Variants in GAMT observed in about 807,000 individuals in gnomAD.
GAMT encodes the protein guanidinoacetate N-methyltransferase.
A neutral mutation model predicts 26.9 loss-of-function variants in GAMT; 26 were observed. That is an observed-to-expected ratio of 0.97 (90% CI 0.71 to 1.34). GAMT has a LOEUF of 1.34. Ranked by LOEUF, GAMT falls within the 40% of genes most tolerant of loss-of-function variation. The pLI, the probability that GAMT is intolerant of heterozygous loss-of-function variation, is 0.00. For missense variants in GAMT, 412 were observed against 345.0 expected (o/e 1.19, Z -1.54); for synonymous variants, 169 against 149.6 (o/e 1.13, Z -0.95).
chr19:1,398,390 G>A (rs773886911), intron 5 of GAMT: 8 of 298,572 alleles, frequency 2.7e-5, no homozygotes, highest in South Asian at 1.8e-4. Context: ...GAGCCACCAC[G>A]CCCAGCCTGA....
chr19:1,398,807 G>A, intron 5 of GAMT, 109 bp downstream of exon 5: 2 of 1,560,572 alleles, frequency 1.3e-6, no homozygotes, highest in African/African-American at 1.4e-5. Context: ...CCCACCCAGG[G>A]GGTCAGGAAG....
In GAMT at chr19:1,399,047, G is replaced by A. The variant is rs1253445142; in HGVS notation, c.460-21C>T. 1 of 1,613,384 alleles carries A rather than the reference G, an allele frequency of 6.2e-7. No homozygotes were observed. The highest frequency in any genetic ancestry group is 8.5e-7 in the Non-Finnish European group (1 of 1,180,000). On this transcript the variant is annotated intron_variant, in intron 4 of 5. Coordinates refer to ENST00000252288, the MANE Select transcript of GAMT (RefSeq NM_000156.6). The surrounding 1 kb of genome is among the most constrained non-coding windows in gnomAD (Gnocchi z 6.2). ...TGGTTCTGTGGAAGGGGAGTGGCCA[G>A]TGGTCAGGACGGAGGTGGGGGTGTG...
At chr19:1,400,371 C>T (rs2082627063) in intron 1 of GAMT, among the ~76,000 whole-genome samples, 1 of 152,134 alleles carries the variant, frequency 6.6e-6, no homozygotes, top group African/African-American at 2.4e-5. Context: ...CGGGAGGGCA[C>T]CCTGGGCCAG....
rs1569003101 is a variant in GAMT at position 1,397,425 on chromosome 19, G to A, written c.645C>T (p.Val215=). 1 of 1,611,492 alleles carries A rather than the reference G, an allele frequency of 6.2e-7. No individual in the cohort carries two copies. Among genetic ancestry groups the A allele is most frequent in the African/African-American group, 1.3e-5 (1 of 75,034 alleles). Residue 215 remains valine, a synonymous_variant, in exon 6 of 6, where the codon GTC becomes GTT. Coordinates refer to ENST00000252288, the MANE Select transcript of GAMT (RefSeq NM_000156.6). ...ENIRTEVMAL[V]PPADCRYYAF... ...CGTAGTAGCGGCAGTCGGCCGGTGGGACCAGCGCCATCACCTCCGTACGGA... is the reference window on the plus strand; with the variant it reads ...CGTAGTAGCGGCAGTCGGCCGGTGGAACCAGCGCCATCACCTCCGTACGGA...
intron 1 of GAMT, among the ~76,000 whole-genome samples, chr19:1,400,658 G>A (rs932800460): frequency 2.6e-5 from 4 of 152,198 alleles, no homozygotes; most frequent in East Asian, 1.9e-4. Flanking sequence ...GAGACTATCT[G>A]GGAGGGGAAG....
intron 5 of GAMT, 40 bp downstream of exon 5, chr19:1,398,876 C>G (rs1294897839): frequency 1.9e-6 from 3 of 1,610,998 alleles, no homozygotes; most frequent in Non-Finnish European, 2.5e-6. Context: ...CATCCAAGGT[C>G]ACTTCCTGGA....
At position 1,397,212 on chromosome 19, in the gene GAMT, C is replaced by T. The variant is rs2082604706; in HGVS notation, c.*147G>A. The stretch of plus-strand genomic sequence containing the variant: ...TGGTGACACACAGCTGGGATCAGCC[C>T]TGGGCTGGTGGGACCCCTCACAGAG... On this transcript the variant is annotated 3_prime_UTR_variant, in exon 6 of 6. Coordinates refer to ENST00000252288, the MANE Select transcript of GAMT (RefSeq NM_000156.6). 1 of 944,646 alleles carries T rather than the reference C, an allele frequency of 1.1e-6. No individual in the cohort carries two copies. The highest frequency in any genetic ancestry group is 1.6e-5 in the African/African-American group (1 of 61,696). The allele number at this position is 944,646 out of a possible 1,614,324, so 58.5% of individuals were successfully genotyped here.
At chr19:1,397,961 A>T in intron 5 of GAMT, 1 of 1,059,172 alleles carries the variant, frequency 9.4e-7, no homozygotes. Context: ...CAGCGAGACA[A>T]GCACTGCTGA....
intron 5 of GAMT, chr19:1,398,069 A>C: frequency 4.0e-6 from 4 of 996,872 alleles, no homozygotes; most frequent in Non-Finnish European, 4.8e-6. Flanking sequence ...GAGGTTGTTG[A>C]GCTGGTGAGG....
At position 1,399,024 on chromosome 19, in the gene GAMT, G is replaced by A. The variant is rs748256259; in HGVS notation, c.462C>T (p.Asn154=). 19 of 1,613,366 alleles carry A rather than the reference G, an allele frequency of 1.2e-5. No individual in the cohort carries two copies. The highest frequency in any genetic ancestry group is 2.7e-5 in the African/African-American group (2 of 74,944). The stretch of plus-strand genomic sequence containing the variant: ...CCGGCTTCAGCAGGCGAAAGGCGTG[G>A]TTCTGTGGAAGGGGAGTGGCCAGTG... ...WHTHQFNFIK[N]HAFRLLKPGG... The change falls in exon 5 of 6, where the codon AAC becomes AAT. Residue 154 remains asparagine (N), a splice_region_variant and synonymous_variant. Transcript: ENST00000252288. The surrounding 1 kb of genome is among the most constrained non-coding windows in gnomAD (Gnocchi z 6.2).
At chr19:1,400,919 T>C (rs1423381289) in intron 1 of GAMT, among the ~76,000 whole-genome samples, 2 of 151,928 alleles carry the variant, frequency 1.3e-5, no homozygotes, top group Non-Finnish European at 2.9e-5. Context: ...TCGGGGCTGC[T>C]CTCCCAGGCA....
In GAMT at chr19:1,399,130, T is replaced by A; in HGVS notation, c.457A>T (p.Lys153Ter). Reference protein sequence around the residue: ...TWHTHQFNFIKNHAFRLLKPG... With the variant: ...TWHTHQFNFI Reference sequence around the variant, plus strand: ...CCCAGCAAGTCAGAGAGAACCACCTTGATGAAGTTGAACTGGTGTGTGTGC... The same window carrying A: ...CCCAGCAAGTCAGAGAGAACCACCTAGATGAAGTTGAACTGGTGTGTGTGC... Residue 153 changes from lysine (K) to a stop codon, truncating the protein, a stop_gained and splice_region_variant, in exon 4 of 6, where the codon AAG becomes TAG. Coordinates refer to ENST00000252288, the MANE Select transcript of GAMT (RefSeq NM_000156.6). LOFTEE classifies it high-confidence loss of function. This position sits in a 1 kb window ranked among gnomAD's most constrained non-coding sequence, Gnocchi z 6.2. The A allele has an allele frequency of 6.2e-7, 1 of 1,613,592 alleles. No homozygotes were observed. The highest frequency in any genetic ancestry group is 8.5e-7 in the Non-Finnish European group (1 of 1,179,952).
In GAMT at chr19:1,399,788, G is replaced by A. The variant is rs1489553949; in HGVS notation, c.327+5C>T. 10 of 1,559,344 alleles carry A rather than the reference G, an allele frequency of 6.4e-6. No individual in the cohort carries two copies. The highest frequency in any genetic ancestry group is 1.4e-5 in the African/African-American group (1 of 73,700). The stretch of plus-strand genomic sequence containing the variant: ...GTCCTGGAGGGCCTGCGGGCAGAGG[G>A]GCACCTTGTGTGTCTGCCGTGGGGC... On this transcript the variant is annotated splice_donor_5th_base_variant and intron_variant, in intron 2 of 5. Coordinates refer to ENST00000252288, the MANE Select transcript of GAMT (RefSeq NM_000156.6). This position sits in a 1 kb window ranked among gnomAD's most constrained non-coding sequence, Gnocchi z 6.2.
intron 5 of GAMT, chr19:1,398,511 C>T: frequency 1.7e-6 from 1 of 582,818 alleles, no homozygotes; most frequent in Non-Finnish European, 3.0e-6. Flanking sequence ...TCTGGGCTCA[C>T]TGCAACCTCT....
chr19:1,401,056 C>A (rs578106661), intron 1 of GAMT, among the ~76,000 whole-genome samples: 10 of 152,190 alleles, frequency 6.6e-5, no homozygotes, highest in Non-Finnish European at 1.5e-4. Flanking sequence ...GAGCGGGGGG[C>A]CTCACTCCCC....
rs776498025 is a variant in GAMT at position 1,401,455 on chromosome 19, G to T, written c.22C>A (p.Pro8Thr). The change falls in exon 1 of 6, where the codon CCC becomes ACC. Residue 8 changes from proline (P) to threonine (T), a missense_variant. Transcript: ENST00000252288. MSAPSAT[P>T]IFAPGENCSP... Reference sequence around the variant, plus strand: ...CAGTTCTCGCCGGGCGCGAAGATGGGGGTCGCGCTGGGGGCGCTCATGCTG... The same window carrying T: ...CAGTTCTCGCCGGGCGCGAAGATGGTGGTCGCGCTGGGGGCGCTCATGCTG... 244 of 1,391,918 alleles carry T rather than the reference G, an allele frequency of 1.8e-4. 1 individual carries two copies. The Middle Eastern group carries it at 2.6e-3, about 15-fold the overall frequency. 86.2% of individuals were successfully genotyped at this position (1,391,918 alleles called of 1,614,324 possible). A position where few individuals can be genotyped will look rare whatever the true frequency, so the allele number is the denominator to read the frequency against.
chr19:1,399,831 G>A lies in GAMT; in HGVS notation c.289C>T (p.Gln97Ter), dbSNP rs1215576338. 1.9e-6 allele frequency: 3 copies of A among 1,587,666 alleles called. No homozygotes were observed. Among genetic ancestry groups the A allele is most frequent in the Non-Finnish European group, 1.7e-6 (2 of 1,167,750 alleles). ...WIIECNDGVF[Q>*]RLRDWAPRQT... ...CGTGGGGCCCAGTCCCGGAGCCGCT[G>A]GAAGACGCCGTCATTGCACTCGATG... Residue 97 changes from glutamine (Q) to a stop codon, truncating the protein, a stop_gained, in exon 2 of 6, where the codon CAG (glutamine) becomes TAG (stop). Transcript: ENST00000252288. LOFTEE classifies it high-confidence loss of function. The surrounding 1 kb of genome is among the most constrained non-coding windows in gnomAD (Gnocchi z 6.2).
intron 5 of GAMT, chr19:1,397,954 C>T (rs1389383027): frequency 8.5e-6 from 9 of 1,061,998 alleles, no homozygotes; most frequent in African/African-American, 1.7e-5. Context: ...GAGGGAACAG[C>T]GAGACAAGCA....
intron 5 of GAMT, 54 bp downstream of exon 5, chr19:1,398,862 C>T: frequency 6.2e-7 from 1 of 1,605,002 alleles, no homozygotes; most frequent in Non-Finnish European, 8.5e-7. Flanking sequence ...CCCCTTCCCA[C>T]CCCCATCCAA....
Sources: gnomAD v4.1 joint callset for allele counts (sites outside exome capture counted in the v4.1 genomes callset) on GRCh38, gnomAD v4.1.1 for gene constraint, Gnocchi (gnomAD v3.1) non-coding constraint, MANE v1.5 for transcripts, NCBI Gene and HGNC (gene_info 2026-07-23, HGNC 2026-07-21) for gene names.